Variants in AGMO observed in about 807,000 individuals in gnomAD.
AGMO encodes the protein alkylglycerol monooxygenase, also known as glyceryl-ether monooxygenase.
In AGMO, 75 loss-of-function variants were observed where a neutral mutation model predicts 60.2. The ratio of observed to expected loss-of-function variants is 1.25; its 90% CI spans 1.03 to 1.51. The LOEUF (loss-of-function observed/expected upper bound fraction) is 1.51, where lower values mean the gene tolerates loss of function less well. Among genes scored for constraint, AGMO ranks in the 40% most tolerant of loss-of-function variants. The probability of loss-of-function intolerance (pLI) is 0.00; values close to 1 mark genes in which losing one functional copy is unlikely to be tolerated. For synonymous variants in AGMO, 261 were observed against 177.1 expected (o/e 1.47, Z -3.76); for missense variants, 763 against 525.5 (o/e 1.45, Z -4.42).
chr7:15,226,989 G>T (rs1008282917), intron 12 of AGMO, among the ~76,000 whole-genome samples: 1 of 152,034 alleles, frequency 6.6e-6, no homozygotes, highest in African/African-American at 2.4e-5. Context: ...AGGGAAGAAT[G>T]TTGCGTTATT....
the AGMO span, among the ~76,000 whole-genome samples, chr7:15,161,521 G>A: frequency 2.0e-5 from 3 of 150,042 alleles, no homozygotes; most frequent in East Asian, 2.0e-4. Flanking sequence ...ATGTATTAAT[G>A]CATATATGGA....
At chr7:15,305,974 A>ATT (rs890656329) in intron 12 of AGMO, among the ~76,000 whole-genome samples, 1 of 151,970 alleles carries the variant, frequency 6.6e-6, no homozygotes, top group South Asian at 2.1e-4. Flanking sequence ...CAAGTATCTT[A>ATT]TTTTTTTCTG....
intron 3 of AGMO, among the ~76,000 whole-genome samples, chr7:15,496,393 T>C (rs1783233148): frequency 6.6e-6 from 1 of 152,168 alleles, no homozygotes. Flanking sequence ...CAGATAAATA[T>C]TCTTTTCAGA....
intron 3 of AGMO, among the ~76,000 whole-genome samples, chr7:15,458,721 C>T (rs139511914): frequency 1.1e-4 from 16 of 152,120 alleles, no homozygotes; most frequent in African/African-American, 3.6e-4. Flanking sequence ...ATTATTAATA[C>T]CTCTGCTTTA....
intron 3 of AGMO, among the ~76,000 whole-genome samples, chr7:15,435,413 A>G (rs527838149): frequency 6.6e-5 from 10 of 151,826 alleles, no homozygotes; most frequent in African/African-American, 2.4e-4. Context: ...TATTTATTTG[A>G]CAGCCATTAT....
At chr7:15,124,557 C>A in the AGMO span, among the ~76,000 whole-genome samples, 1 of 152,024 alleles carries the variant, frequency 6.6e-6, no homozygotes, top group Admixed American at 6.6e-5. Flanking sequence ...ACATATTCTC[C>A]TGTTGAAAAT....
intron 4 of AGMO, among the ~76,000 whole-genome samples, chr7:15,427,982 AT>A (rs1781116425): frequency 2.4e-5 from 1 of 41,238 alleles, no homozygotes; most frequent in Non-Finnish European, 5.7e-5. Flanking sequence ...TAGAAGAAAT[AT>A]ACTTAATTTC....
intron 3 of AGMO, among the ~76,000 whole-genome samples, chr7:15,438,118 A>C (rs974774110): frequency 6.6e-6 from 1 of 152,302 alleles, no homozygotes; most frequent in Non-Finnish European, 1.5e-5. Context: ...GTACGAAGTA[A>C]AAAGTACCTT....
intron 4 of AGMO, among the ~76,000 whole-genome samples, chr7:15,420,499 G>C (rs2128494829): frequency 6.6e-6 from 1 of 152,208 alleles, no homozygotes; most frequent in South Asian, 2.1e-4. Flanking sequence ...TAATTCACAT[G>C]AATCACATGA....
At chr7:15,317,063 G>A (rs1780947893) in intron 12 of AGMO, among the ~76,000 whole-genome samples, 1 of 152,128 alleles carries the variant, frequency 6.6e-6, no homozygotes, top group African/African-American at 2.4e-5. Context: ...AATACTTCCA[G>A]TTTACAACTG....
At chr7:15,301,851 A>G (rs1361657160) in intron 12 of AGMO, among the ~76,000 whole-genome samples, 1 of 152,118 alleles carries the variant, frequency 6.6e-6, no homozygotes, top group Non-Finnish European at 1.5e-5. Context: ...TTTATTATAT[A>G]GAAATGGGCT....
chr7:15,135,213 G>A, the AGMO span, among the ~76,000 whole-genome samples: 26 of 151,450 alleles, frequency 1.7e-4, no homozygotes, highest in Admixed American at 1.1e-3. Flanking sequence ...TGGCATATAC[G>A]TGTGCCTATA....
At chr7:15,315,600 G>A (rs893753784) in intron 12 of AGMO, among the ~76,000 whole-genome samples, 2 of 151,742 alleles carry the variant, frequency 1.3e-5, no homozygotes, top group Admixed American at 6.6e-5. Context: ...CCTCCCACAG[G>A]CATGAGCCAC....
intron 5 of AGMO, among the ~76,000 whole-genome samples, chr7:15,417,913 G>A (rs1171763497): frequency 2.0e-5 from 3 of 152,076 alleles, no homozygotes; most frequent in African/African-American, 7.2e-5. Context: ...CTAGGTCTGT[G>A]ATTTTTGGTA....
chr7:15,381,717 C>T (rs1783697439), intron 10 of AGMO, among the ~76,000 whole-genome samples: 1 of 152,050 alleles, frequency 6.6e-6, no homozygotes, highest in Admixed American at 6.6e-5. Flanking sequence ...AAGTTAAATG[C>T]ATACATATGT....
chr7:15,243,210 G>T (rs919494326), intron 12 of AGMO, among the ~76,000 whole-genome samples: 6 of 152,062 alleles, frequency 3.9e-5, no homozygotes, highest in African/African-American at 1.4e-4. Flanking sequence ...TCAGGAAAAT[G>T]AACATCTTCA....
At chr7:15,397,636 C>CT (rs1464818103) in intron 5 of AGMO, among the ~76,000 whole-genome samples, 1 of 152,158 alleles carries the variant, frequency 6.6e-6, no homozygotes, top group Non-Finnish European at 1.5e-5. Flanking sequence ...CTCTCTTTCT[C>CT]TTTCTTTTTT....
At chr7:15,386,452 G>C (rs1296350425) in intron 9 of AGMO, among the ~76,000 whole-genome samples, 1 of 152,102 alleles carries the variant, frequency 6.6e-6, no homozygotes, top group African/African-American at 2.4e-5. Flanking sequence ...ATAATAAATC[G>C]ATCATAGCAA....
the AGMO span, among the ~76,000 whole-genome samples, chr7:15,143,834 G>A: frequency 5.9e-5 from 9 of 152,166 alleles, no homozygotes; most frequent in East Asian, 9.7e-4. Context: ...TTTGGTCATC[G>A]TGAACAATTC....
Sources: gnomAD v4.1 joint callset for allele counts (sites outside exome capture counted in the v4.1 genomes callset) on GRCh38, gnomAD v4.1.1 for gene constraint, MANE v1.5 for transcripts, NCBI Gene and HGNC (gene_info 2026-07-23, HGNC 2026-07-21) for gene names.